Variants in BRK1 observed in about 807,000 individuals in gnomAD.
BRK1 encodes protein BRICK1.
BRK1 carries 6 observed loss-of-function variants against 9.9 expected under a neutral mutation model. The observed-to-expected ratio is 0.60, with a 90% confidence interval of 0.33 to 1.19. BRK1 has a LOEUF of 1.19. Among genes scored for constraint, BRK1 ranks in the 50% most tolerant of loss-of-function variants. The pLI is 0.04. For synonymous variants in BRK1, 44 were observed against 31.9 expected (o/e 1.38, Z -1.28); for missense variants, 62 against 97.5 (o/e 0.64, Z 1.53).
chr3:10,121,774 C>G (rs1011891223), intron 1 of BRK1, among the ~76,000 whole-genome samples: 2 of 150,662 alleles, frequency 1.3e-5, no homozygotes, highest in African/African-American at 4.9e-5. Flanking sequence ...CTCTTGTTGT[C>G]CAGGCTGGAG....
At chr3:10,123,224 GA>G (rs975977377) in intron 1 of BRK1, among the ~76,000 whole-genome samples, 1 of 152,194 alleles carries the variant, frequency 6.6e-6, no homozygotes, top group African/African-American at 2.4e-5. Context: ...GGTAAAAGAA[GA>G]TTGGAAAAGC....
At chr3:10,125,266 G>C (rs1351685608) in intron 1 of BRK1, among the ~76,000 whole-genome samples, 1 of 152,058 alleles carries the variant, frequency 6.6e-6, no homozygotes, top group Non-Finnish European at 1.5e-5. Flanking sequence ...ATCATGCCTG[G>C]CTAATTTTTG....
Position 10,126,370 on chromosome 3 carries a change from G to T in BRK1, c.*75G>T. On this transcript the variant is annotated 3_prime_UTR_variant, in exon 3 of 3. Coordinates refer to ENST00000530758, the MANE Select transcript of BRK1 (RefSeq NM_018462.5). ...ATGGGAAAGGCCCCAGCAGCCTTCA[G>T]CTCCTTCCTTTCTCCTTAAAGAGCA... The T allele has an allele frequency of 7.7e-7, 1 of 1,306,078 alleles. No homozygotes were observed. The highest frequency in any genetic ancestry group is 1.1e-6 in the Non-Finnish European group (1 of 939,078). 80.9% of individuals were successfully genotyped at this position (1,306,078 alleles called of 1,614,324 possible). A position where few individuals can be genotyped will look rare whatever the true frequency, so the allele number is the denominator to read the frequency against.
intron 1 of BRK1, among the ~76,000 whole-genome samples, chr3:10,123,936 T>C (rs2125118634): frequency 6.6e-6 from 1 of 151,390 alleles, no homozygotes; most frequent in Non-Finnish European, 1.5e-5. Flanking sequence ...GGTTTCACCA[T>C]GTTAGCCAGG....
At chr3:10,116,222 T>C (rs555587912) in intron 1 of BRK1, among the ~76,000 whole-genome samples, 3 of 152,336 alleles carry the variant, frequency 2.0e-5, no homozygotes, top group African/African-American at 7.2e-5. Context: ...GTTTCAAGAC[T>C]GTTGACCGTT....
chr3:10,116,341 C>T (rs1695684585), intron 1 of BRK1, among the ~76,000 whole-genome samples: 3 of 152,060 alleles, frequency 2.0e-5, no homozygotes, highest in Admixed American at 2.0e-4. Flanking sequence ...GTGTCTGCTG[C>T]GGTGAGAGTG....
At chr3:10,115,943 C>T (rs1284799628) in intron 1 of BRK1, 124 bp downstream of exon 1, 1 of 729,800 alleles carries the variant, frequency 1.4e-6, no homozygotes, top group Non-Finnish European at 2.4e-6. Context: ...TTCACTTCCT[C>T]CTTCAGGTCC....
chr3:10,121,879 C>A (rs867635768), intron 1 of BRK1, among the ~76,000 whole-genome samples: 6 of 146,848 alleles, frequency 4.1e-5, no homozygotes, highest in African/African-American at 1.5e-4. Context: ...CTGCACCCGG[C>A]CACTTTTTTT....
At chr3:10,122,254 C>T (rs1695767823) in intron 1 of BRK1, among the ~76,000 whole-genome samples, 1 of 152,036 alleles carries the variant, frequency 6.6e-6, no homozygotes, top group Non-Finnish European at 1.5e-5. Flanking sequence ...TTTTAATAGT[C>T]TCATTAATAC....
At chr3:10,124,124 A>G (rs1575908513) in intron 1 of BRK1, among the ~76,000 whole-genome samples, 1 of 152,070 alleles carries the variant, frequency 6.6e-6, no homozygotes, top group Admixed American at 6.6e-5. Flanking sequence ...ATGGCTGTAC[A>G]GCCTTGGTGT....
intron 1 of BRK1, among the ~76,000 whole-genome samples, chr3:10,125,058 C>T (rs1014001179): frequency 2.0e-5 from 3 of 152,098 alleles, no homozygotes; most frequent in African/African-American, 7.2e-5. Flanking sequence ...CCTGCAAAGC[C>T]CTGTTTCCTC....
In BRK1 at chr3:10,119,710, A is replaced by C. The variant is rs546950951; in HGVS notation, c.118+3891A>C. Among the ~76,000 whole-genome samples, 4 of 152,324 alleles carry C rather than the reference A, an allele frequency of 2.6e-5. No individual in the cohort carries two copies. In the South Asian group the frequency reaches 8.3e-4, roughly 32 times the overall value. On this transcript the variant is annotated intron_variant, in intron 1 of 2. Transcript: ENST00000530758. ...AATGTAGCAAAAATATCATAACACT[A>C]GGCCTATTTTGCACTTTGGAATTGG...
rs145753279 is a variant in BRK1 at position 10,118,112 on chromosome 3, G to A, written c.118+2293G>A. Among the ~76,000 whole-genome samples, 3,977 of 152,100 alleles carry A rather than the reference G, an allele frequency of 0.026. 166 individuals carry two copies. The highest frequency in any genetic ancestry group is 0.09 in the African/African-American group (3,714 of 41,470). Reference sequence around the variant, plus strand: ...CTACTAAAAATACAAAATTAGCTGGGCATGGTGTTGCACACCTGTAATCCC... The same window carrying A: ...CTACTAAAAATACAAAATTAGCTGGACATGGTGTTGCACACCTGTAATCCC... On this transcript the variant is annotated intron_variant, in intron 1 of 2. Coordinates refer to ENST00000530758, the MANE Select transcript of BRK1 (RefSeq NM_018462.5).
intron 1 of BRK1, among the ~76,000 whole-genome samples, chr3:10,119,400 G>A (rs929465033): frequency 6.6e-6 from 1 of 152,166 alleles, no homozygotes; most frequent in African/African-American, 2.4e-5. Flanking sequence ...AAAGGTTGCA[G>A]TGAGCCAAGA....
chr3:10,121,011 A>C (rs890612406), intron 1 of BRK1, among the ~76,000 whole-genome samples: 5 of 152,202 alleles, frequency 3.3e-5, no homozygotes, highest in African/African-American at 1.2e-4. Flanking sequence ...CCTGTTGGGC[A>C]GTTCCGACAG....
rs1342926205 is a variant in BRK1 at position 10,119,485 on chromosome 3, C to T, written c.118+3666C>T. Among the ~76,000 whole-genome samples the T allele has an allele frequency of 2.0e-5, 3 of 152,218 alleles. No homozygotes were observed. The East Asian group carries it at 5.8e-4, about 29-fold the overall frequency. On this transcript the variant is annotated intron_variant, in intron 1 of 2. Coordinates refer to ENST00000530758, the MANE Select transcript of BRK1 (RefSeq NM_018462.5). ...AGAAAAAGAATTTACTTTGAGGGAG[C>T]ATCTGAAGTTCTTCAAATATGTTAG...
Position 10,119,514 on chromosome 3 carries a change from T to C in BRK1, c.118+3695T>C, listed in dbSNP as rs532054577. Among the ~76,000 whole-genome samples the C allele has an allele frequency of 3.9e-5, 6 of 152,242 alleles. No individual in the cohort carries two copies. The East Asian group carries it at 1.2e-3, about 29-fold the overall frequency. On this transcript the variant is annotated intron_variant, in intron 1 of 2. Transcript: ENST00000530758. ...TGAAGTTCTTCAAATATGTTAGCAA[T>C]TCTGTAGTCCTTACCCTGACCACAG...
rs762604698 is a variant in BRK1, at chr3:10,125,629, T to C, written c.122T>C (p.Met41Thr). The C allele has an allele frequency of 5.3e-5, 86 of 1,607,646 alleles. No homozygotes were observed. The highest frequency in any genetic ancestry group is 7.1e-5 in the Non-Finnish European group (83 of 1,175,924). The change falls in exon 2 of 3, where the codon ATG (methionine) becomes ACG (threonine). Residue 41 changes from methionine (M) to threonine (T), a missense_variant. Transcript: ENST00000530758. ...KIADFLNSFD[M>T]SCRSRLATLN... ...AACACCAGTCTCTTTTTCTCAGATA[T>C]GTCTTGTCGTTCAAGACTTGCAACA...
chr3:10,126,086 A>G (rs932501031), intron 2 of BRK1, among the ~76,000 whole-genome samples, 183 bp from the exon 3 acceptor site: 3 of 152,142 alleles, frequency 2.0e-5, no homozygotes, highest in African/African-American at 7.2e-5. Flanking sequence ...GTGAGACTCC[A>G]TCTCAAAAAA....
Sources: allele counts gnomAD v4.1 joint callset (sites outside exome capture counted in the v4.1 genomes callset), GRCh38; gene constraint gnomAD v4.1.1; transcripts MANE v1.5; gene names NCBI Gene and HGNC (gene_info 2026-07-23, HGNC 2026-07-21).